The following MDM4 variants were observed in gnomAD, a reference collection of about 807,000 sequenced individuals.
The protein encoded by MDM4 is MDM4 regulator of p53.
Under a neutral mutation model 60.2 loss-of-function variants are expected in MDM4, and 2 were observed. The ratio of observed to expected loss-of-function variants is 0.03; its 90% CI spans 0.01 to 0.10. MDM4 has a LOEUF of 0.10. MDM4 is among the 10% of genes least tolerant of loss of function. The probability of loss-of-function intolerance (pLI) is 1.00; values close to 1 mark genes in which losing one functional copy is unlikely to be tolerated. For missense variants in MDM4, 447 were observed against 577.5 expected (o/e 0.77, Z 2.32); for synonymous variants, 202 against 198.1 (o/e 1.02, Z -0.17).
At chr1:204,546,698 G>A in intron 9 of MDM4, 99 bp from the exon 10 acceptor site, 1 of 734,558 alleles carries the variant, frequency 1.4e-6, no homozygotes, top group Non-Finnish European at 2.4e-6. Context: ...GGAGAAGAAT[G>A]TGAGTTTTAA....
intron 3 of MDM4, among the ~76,000 whole-genome samples, chr1:204,527,643 C>CAA (rs55900130): frequency 5.8e-4 from 64 of 109,464 alleles, no homozygotes; most frequent in Middle Eastern, 4.8e-3. Flanking sequence ...AACTCCATCT[C>CAA]AAAAAAAAAA....
intron 1 of MDM4, among the ~76,000 whole-genome samples, chr1:204,517,178 G>A (rs1032498412): frequency 6.6e-6 from 1 of 151,604 alleles, no homozygotes; most frequent in East Asian, 2.0e-4. Context: ...GTGGGCGGGG[G>A]TTGCAGTGAG....
At chr1:204,545,136 A>C (rs762168372) in intron 9 of MDM4, among the ~76,000 whole-genome samples, 2 of 152,170 alleles carry the variant, frequency 1.3e-5, no homozygotes, top group Admixed American at 1.3e-4. Flanking sequence ...GCCCAAGACA[A>C]TTCTTCCAGT....
intron 7 of MDM4, among the ~76,000 whole-genome samples, chr1:204,541,859 A>G (rs769328555): frequency 3.3e-5 from 5 of 152,252 alleles, no homozygotes; most frequent in Non-Finnish European, 5.9e-5. Flanking sequence ...TATTGCAGAA[A>G]TTCTTTCACC....
rs983210017 is a variant in MDM4 at position 204,554,051 on chromosome 1, T to G, written c.*4369T>G. The stretch of plus-strand genomic sequence containing the variant: ...GATGTATGTAGTGCATTGTGTGGTA[T>G]TATTTGGTTTGTAAGAATTTATTTT... On this transcript the variant is annotated 3_prime_UTR_variant, in exon 11 of 11. Transcript: ENST00000367182. The G allele has an allele frequency of 1.8e-5, 4 of 227,208 alleles. No individual in the cohort carries two copies. Among genetic ancestry groups the G allele is most frequent in the African/African-American group, 8.9e-5 (4 of 45,036 alleles). The allele number at this position is 227,208 out of a possible 1,614,324, so 14.1% of individuals were successfully genotyped here.
chr1:204,522,352 A>C (rs1271740343), intron 1 of MDM4, among the ~76,000 whole-genome samples: 1 of 151,870 alleles, frequency 6.6e-6, no homozygotes, highest in African/African-American at 2.4e-5. Context: ...AAAGCAAATG[A>C]GGAAGTAGGT....
rs2102322848 is a variant in MDM4 at position 204,526,454 on chromosome 1, T to C, written c.153+20T>C. 2.6e-6 allele frequency: 4 copies of C among 1,557,702 alleles called. No homozygotes were observed. The highest frequency in any genetic ancestry group is 3.5e-6 in the Non-Finnish European group (4 of 1,148,282). On this transcript the variant is annotated intron_variant, in intron 3 of 10. Coordinates refer to ENST00000367182, the MANE Select transcript of MDM4 (RefSeq NM_002393.5). Reference sequence around the variant, plus strand: ...AAAGAGGTAAGCCATCAAATAAAATTCTCATTTTTTTTGTTTTTTTTTTTT... The same window carrying C: ...AAAGAGGTAAGCCATCAAATAAAATCCTCATTTTTTTTGTTTTTTTTTTTT...
chr1:204,524,744 T>C (rs1302902231), intron 1 of MDM4, among the ~76,000 whole-genome samples: 1 of 152,266 alleles, frequency 6.6e-6, no homozygotes, highest in Non-Finnish European at 1.5e-5. Flanking sequence ...GCCATTGCGC[T>C]TCAGCCTGGG....
intron 5 of MDM4, among the ~76,000 whole-genome samples, chr1:204,532,983 C>CT (rs1182863142): frequency 1.3e-5 from 2 of 152,188 alleles, no homozygotes; most frequent in African/African-American, 4.8e-5. Flanking sequence ...GTCTGCCTGT[C>CT]TATTTTAGTC....
chr1:204,540,635 C>T (rs957532022), intron 7 of MDM4, among the ~76,000 whole-genome samples: 11 of 151,732 alleles, frequency 7.2e-5, no homozygotes, highest in East Asian at 1.9e-4. Context: ...TGGTGGCAGG[C>T]GCCTGTAATC....
At chr1:204,549,056 T>A in intron 10 of MDM4, 57 bp from the exon 11 acceptor site, 1 of 1,099,264 alleles carries the variant, frequency 9.1e-7, no homozygotes, top group Non-Finnish European at 1.3e-6. Flanking sequence ...CTCCTTTCCT[T>A]TTTCTCAGCA....
At position 204,554,100 on chromosome 1, in the gene MDM4, ATT is replaced by A. The variant is rs1184369867; in HGVS notation, c.*4421_*4422del. 1 of 229,296 alleles carries A rather than the reference ATT, an allele frequency of 4.4e-6. No homozygotes were observed. The highest frequency in any genetic ancestry group is 6.3e-5 in the East Asian group (1 of 15,970). The allele number at this position is 229,296 out of a possible 1,614,324, so 14.2% of individuals were successfully genotyped here. ...TTTAAGGGTCAAGGTCATTTGTAAC[ATT>A]TTGTGTGTGTCAATTCAATGCAATG... On this transcript the variant is annotated 3_prime_UTR_variant, in exon 11 of 11. Coordinates refer to ENST00000367182, the MANE Select transcript of MDM4 (RefSeq NM_002393.5).
chr1:204,523,223 A>G (rs1659748917), intron 1 of MDM4, among the ~76,000 whole-genome samples: 1 of 148,130 alleles, frequency 6.8e-6, no homozygotes, highest in South Asian at 2.2e-4. Flanking sequence ...TAATCCCAGC[A>G]CTTTGGGAGG....
At chr1:204,538,948 C>T (rs1661717573) in intron 7 of MDM4, among the ~76,000 whole-genome samples, 1 of 151,034 alleles carries the variant, frequency 6.6e-6, no homozygotes, top group Admixed American at 6.6e-5. Context: ...CAGCTCACCG[C>T]AGCCTCCGCC....
At chr1:204,526,543 A>G in intron 3 of MDM4, 109 bp downstream of exon 3, 1 of 740,622 alleles carries the variant, frequency 1.4e-6, no homozygotes, top group Non-Finnish European at 2.2e-6. Flanking sequence ...AGATCACTGC[A>G]AGCTCCGCCT....
chr1:204,532,749 A>G (rs1660996807), intron 5 of MDM4: 1 of 1,607,454 alleles, frequency 6.2e-7, no homozygotes, highest in Non-Finnish European at 8.5e-7. Context: ...TTTTGTTTTC[A>G]TGTCATTTAC....
chr1:204,542,604 T>G (rs1439881256), intron 7 of MDM4, among the ~76,000 whole-genome samples, 180 bp from the exon 8 acceptor site: 1 of 152,200 alleles, frequency 6.6e-6, no homozygotes, highest in African/African-American at 2.4e-5. Context: ...TAATGAAGTC[T>G]AAACAAGGGA....
At chr1:204,544,193 A>C (rs1662416364) in intron 8 of MDM4, among the ~76,000 whole-genome samples, 1 of 152,216 alleles carries the variant, frequency 6.6e-6, no homozygotes, top group Admixed American at 6.5e-5. Context: ...AGCTTCTTAG[A>C]GTGTCACCTG....
chr1:204,536,977 T>C, intron 5 of MDM4: 1 of 390,204 alleles, frequency 2.6e-6, no homozygotes. Context: ...AAATCCAGAT[T>C]TCAAGATCCC....
Sources: gnomAD v4.1 joint callset for allele counts (sites outside exome capture counted in the v4.1 genomes callset) on GRCh38, gnomAD v4.1.1 for gene constraint, MANE v1.5 for transcripts, NCBI Gene and HGNC (gene_info 2026-07-23, HGNC 2026-07-21) for gene names.